The following KIRREL3 variants were observed in gnomAD, a reference collection of about 807,000 sequenced individuals.
The protein encoded by KIRREL3 is kirre like nephrin family adhesion molecule 3.
Under a neutral mutation model 89.7 loss-of-function variants are expected in KIRREL3, and 36 were observed. The ratio of observed to expected loss-of-function variants is 0.40; its 90% confidence interval spans 0.31 to 0.53. The LOEUF is 0.53. Among genes scored for constraint, KIRREL3 ranks in the 20% least tolerant of loss-of-function variants. KIRREL3 has a pLI of 0.49. For synonymous variants in KIRREL3, 445 were observed against 441.4 expected (o/e 1.01, Z -0.10); for missense variants, 864 against 1,056.6 (o/e 0.82, Z 2.53).
chr11:126,434,347 C>A (rs971760618), intron 13 of KIRREL3, among the ~76,000 whole-genome samples: 3 of 152,240 alleles, frequency 2.0e-5, no homozygotes, highest in Non-Finnish European at 2.9e-5. Context: ...GAGACACCAC[C>A]CTCAGCACTA....
At position 126,529,590 on chromosome 11, in the gene KIRREL3, G is replaced by A. The variant is rs113427190; in HGVS notation, c.134-2903C>T. On this transcript the variant is annotated intron_variant, in intron 2 of 16. Transcript: ENST00000525144. ...TGCACTACAGACTAGGTGACAGAGT[G>A]AGACTCGGTCTCAAAAAAAAAAAAA... Among the ~76,000 whole-genome samples the A allele has an allele frequency of 3.8e-3, 549 of 145,632 alleles. 3 individuals carry two copies. Among genetic ancestry groups the A allele is most frequent in the African/African-American group, 0.014 (523 of 37,516 alleles).
chr11:126,988,659 G>A (rs974606804), intron 1 of KIRREL3: 1 of 152,562 alleles, frequency 6.6e-6, no homozygotes, highest in African/African-American at 2.4e-5. Context: ...CTCTCCAGTC[G>A]AATGACCTTC....
rs764879727 is a variant in KIRREL3, at chr11:126,995,279, C to A, written c.55+5176G>T. ...AGAGCTCCAATCACTCTGCTGCAAG[C>A]GCCACCATTAAAGTCAAGATCACTG... On this transcript the variant is annotated intron_variant, in intron 1 of 16. Coordinates refer to ENST00000525144, the MANE Select transcript of KIRREL3 (RefSeq NM_032531.4). This position sits in a 1 kb window ranked among gnomAD's most constrained non-coding sequence, Gnocchi z 6.5. 1 of 456,188 alleles carries A rather than the reference C, an allele frequency of 2.2e-6. No individual in the cohort carries two copies. Among genetic ancestry groups the A allele is most frequent in the Non-Finnish European group, 4.4e-6 (1 of 226,954 alleles). 28.3% of individuals were successfully genotyped at this position (456,188 alleles called of 1,614,324 possible).
rs1308069924 is a variant in KIRREL3 at position 126,449,070 on chromosome 11, G to C, written c.936C>G (p.Val312=). Residue 312 remains valine, a synonymous_variant, in exon 8 of 17, where the codon GTC becomes GTG. Transcript: ENST00000525144. ...CCAGGGCGTTGGTCACCTCACAGGA[G>C]ACGGGCTCTGAGAAGTACGTGTAGT... ...TVDYTYFSEP[V]SCEVTNALGS... is the part of the protein sequence containing the mutation. The C allele has an allele frequency of 1.2e-6, 2 of 1,613,872 alleles. No homozygotes were observed. The highest frequency in any genetic ancestry group is 1.7e-5 in the Admixed American group (1 of 60,010).
intron 4 of KIRREL3, among the ~76,000 whole-genome samples, chr11:126,514,720 C>T (rs958587105): frequency 4.6e-5 from 7 of 152,168 alleles, no homozygotes; most frequent in Admixed American, 4.6e-4. Context: ...AAATAACTTG[C>T]TCACGGTCAC....
chr11:126,690,903 C>T (rs1323305346), intron 1 of KIRREL3, among the ~76,000 whole-genome samples: 2 of 152,342 alleles, frequency 1.3e-5, no homozygotes, highest in East Asian at 1.9e-4. Flanking sequence ...ATGCTCTTCA[C>T]ACTGTGCGAA....
rs1945574922 is a variant in KIRREL3 at position 126,664,693 on chromosome 11, G to A, written c.56-101781C>T. The stretch of plus-strand genomic sequence containing the variant: ...TGGAGATGGCCACTGTTGCTCTCTG[G>A]GCTGTGGGACATCTAGGAAGCTGAT... On this transcript the variant is annotated intron_variant, in intron 1 of 16. Transcript: ENST00000525144. The surrounding 1 kb of genome is among the most constrained non-coding windows in gnomAD (Gnocchi z 5.4). Among the ~76,000 whole-genome samples, 1 of 152,166 alleles carries A rather than the reference G, an allele frequency of 6.6e-6. No homozygotes were observed. Among genetic ancestry groups the A allele is most frequent in the Non-Finnish European group, 1.5e-5 (1 of 68,040 alleles).
chr11:126,923,445 C>CT (rs35440461), intron 1 of KIRREL3, among the ~76,000 whole-genome samples: 14,722 of 95,286 alleles, frequency 0.15, 2,001 homozygotes, highest in East Asian at 0.41. Flanking sequence ...TCTTCTCCTT[C>CT]TTTTTTTTTT....
Position 126,424,547 on chromosome 11 carries a change from C to A in KIRREL3, c.*33G>T, listed in dbSNP as rs1954853034. The A allele has an allele frequency of 6.2e-7, 1 of 1,605,874 alleles. No individual in the cohort carries two copies. Among genetic ancestry groups the A allele is most frequent in the African/African-American group, 1.3e-5 (1 of 74,718 alleles). On this transcript the variant is annotated 3_prime_UTR_variant, in exon 17 of 17. Transcript: ENST00000525144. ...CAACCAGAACGTGCCCTGACCTCTTCCCTGGCCCGTCCCCACCCGCGGTGT... is the reference window on the plus strand; with the variant it reads ...CAACCAGAACGTGCCCTGACCTCTTACCTGGCCCGTCCCCACCCGCGGTGT...
rs1010926216 is a variant in KIRREL3 at position 126,521,144 on chromosome 11, C to A, written c.433+171G>T. Among the ~76,000 whole-genome samples the A allele has an allele frequency of 6.6e-6, 1 of 151,978 alleles. No homozygotes were observed. The highest frequency in any genetic ancestry group is 2.1e-4 in the South Asian group (1 of 4,818). On this transcript the variant is annotated intron_variant, in intron 4 of 16. Transcript: ENST00000525144. The surrounding 1 kb of genome is among the most constrained non-coding windows in gnomAD (Gnocchi z 4.1). Reference sequence around the variant, plus strand: ...CTAGGGAAAGAGCCTTCGCTTGTCCCGTTTGGGTGGGAAGGTGGGCATGGA... The same window carrying A: ...CTAGGGAAAGAGCCTTCGCTTGTCCAGTTTGGGTGGGAAGGTGGGCATGGA...
chr11:126,538,125 G>A (rs1252548971), intron 2 of KIRREL3, among the ~76,000 whole-genome samples: 2 of 152,196 alleles, frequency 1.3e-5, no homozygotes, highest in Admixed American at 1.3e-4. Context: ...TGCATGGGTG[G>A]TGCGGGAGAC....
At chr11:126,737,745 C>T (rs1047346569) in intron 1 of KIRREL3, among the ~76,000 whole-genome samples, 6 of 152,018 alleles carry the variant, frequency 3.9e-5, no homozygotes, top group African/African-American at 1.5e-4. Flanking sequence ...ATTATAGGCA[C>T]CTAATAGTTG....
At position 126,908,831 on chromosome 11, in the gene KIRREL3, G is replaced by T. The variant is rs867464318; in HGVS notation, c.55+91624C>A. 1.3e-5 allele frequency among the ~76,000 whole-genome samples: 2 copies of T among 152,126 alleles called. No homozygotes were observed. The highest frequency in any genetic ancestry group is 2.4e-5 in the African/African-American group (1 of 41,408). On this transcript the variant is annotated intron_variant, in intron 1 of 16. Coordinates refer to ENST00000525144, the MANE Select transcript of KIRREL3 (RefSeq NM_032531.4). This position sits in a 1 kb window ranked among gnomAD's most constrained non-coding sequence, Gnocchi z 4.2. ...CATCCCTCGTTATTCAAGGAGGATT[G>T]GTTCCTGGATCCTCTTGGGTATCAC...
rs1188715271 is a variant in KIRREL3, at chr11:126,486,849, C to T, written c.434-13383G>A. 6.6e-6 allele frequency among the ~76,000 whole-genome samples: 1 copy of T among 152,192 alleles called. No homozygotes were observed. The highest frequency in any genetic ancestry group is 1.9e-4 in the East Asian group (1 of 5,194). ...TTCGGTAGCTTTAATAGCATCAAGGCAGCCATCCTGACCCAGCAAAGGGCC... is the reference window on the plus strand; with the variant it reads ...TTCGGTAGCTTTAATAGCATCAAGGTAGCCATCCTGACCCAGCAAAGGGCC... On this transcript the variant is annotated intron_variant, in intron 4 of 16. Transcript: ENST00000525144. The surrounding 1 kb of genome is among the most constrained non-coding windows in gnomAD (Gnocchi z 6.2).
chr11:126,757,297 A>C (rs1183363815), intron 1 of KIRREL3, among the ~76,000 whole-genome samples: 1 of 151,436 alleles, frequency 6.6e-6, no homozygotes, highest in East Asian at 2.1e-4. Flanking sequence ...TTGGAAAAAG[A>C]AAATAAAAAA....
In KIRREL3 at chr11:126,764,889, A is replaced by G. The variant is rs1411208559; in HGVS notation, c.56-201977T>C. 6.6e-6 allele frequency among the ~76,000 whole-genome samples: 1 copy of G among 152,212 alleles called. No individual in the cohort carries two copies. Among genetic ancestry groups the G allele is most frequent in the Non-Finnish European group, 1.5e-5 (1 of 68,032 alleles). On this transcript the variant is annotated intron_variant, in intron 1 of 16. Coordinates refer to ENST00000525144, the MANE Select transcript of KIRREL3 (RefSeq NM_032531.4). The surrounding 1 kb of genome is among the most constrained non-coding windows in gnomAD (Gnocchi z 4.2). Reference sequence around the variant, plus strand: ...CTACTCTCGGCCTGGATCCTCTTCAATGAACCACCTATGTGTCACTTATGT... The same window carrying G: ...CTACTCTCGGCCTGGATCCTCTTCAGTGAACCACCTATGTGTCACTTATGT...
At chr11:126,746,299 G>A (rs1949147548) in intron 1 of KIRREL3, among the ~76,000 whole-genome samples, 1 of 152,192 alleles carries the variant, frequency 6.6e-6, no homozygotes, top group Non-Finnish European at 1.5e-5. Flanking sequence ...GAGAAACTAT[G>A]TAAAACAAAT....
chr11:126,777,432 C>G (rs1950199841), intron 1 of KIRREL3, among the ~76,000 whole-genome samples: 1 of 152,018 alleles, frequency 6.6e-6, no homozygotes, highest in South Asian at 2.1e-4. Flanking sequence ...TAGGTTGGAG[C>G]CAGGCAGAGA....
intron 1 of KIRREL3, among the ~76,000 whole-genome samples, chr11:126,690,530 G>A (rs559167342): frequency 8.2e-4 from 125 of 152,212 alleles, no homozygotes; most frequent in African/African-American, 2.9e-3. Context: ...GAAGGATGAC[G>A]GTTTTGTGCC....
Sources: allele counts gnomAD v4.1 joint callset (sites outside exome capture counted in the v4.1 genomes callset), GRCh38; gene constraint gnomAD v4.1.1; non-coding constraint Gnocchi (gnomAD v3.1); transcripts MANE v1.5; gene names NCBI Gene and HGNC (gene_info 2026-07-23, HGNC 2026-07-21).